The following AARS1 variants were observed in gnomAD, a reference collection of about 807,000 sequenced individuals.
AARS1 encodes alanyl-tRNA synthetase 1, also known as alanine--tRNA ligase, cytoplasmic.
In AARS1, 72 loss-of-function variants were observed where a neutral mutation model predicts 108.9. The ratio of observed to expected loss-of-function variants is 0.66; its 90% CI spans 0.55 to 0.80. The LOEUF is 0.80. Among genes scored for constraint, AARS1 ranks in the 30% least tolerant of loss-of-function variants. The probability of loss-of-function intolerance (pLI) is 0.00; values close to 1 mark genes in which losing one functional copy is unlikely to be tolerated. For missense variants in AARS1, 1,193 were observed against 1,233.2 expected (o/e 0.97, Z 0.49); for synonymous variants, 489 against 465.7 (o/e 1.05, Z -0.64).
In AARS1 at chr16:70,252,806, G is replaced by A. The variant is rs1162296420; in HGVS notation, c.2822C>T (p.Thr941Ile). The change falls in exon 21 of 21, where the codon ACA becomes ATA. Residue 941 changes from threonine (T) to isoleucine (I), a missense_variant. Physicochemically the swap from Thr to Ile is moderately conservative, Grantham distance 89. Transcript: ENST00000261772. The part of the protein sequence containing the change: ...GGGKDVSAQA[T>I]GKNVGCLQEA... ...CTGCAGGCAGCCAACGTTCTTGCCT[G>A]TGGCCTGTGCAGACACATCCTTGCC... 3 of 1,614,110 alleles carry A rather than the reference G, an allele frequency of 1.9e-6. No homozygotes were observed. The highest frequency in any genetic ancestry group is 2.7e-5 in the African/African-American group (2 of 74,940).
intron 4 of AARS1, among the ~76,000 whole-genome samples, chr16:70,272,692 C>T (rs1046055080): frequency 8.6e-5 from 13 of 151,676 alleles, no homozygotes; most frequent in Admixed American, 3.3e-4. Flanking sequence ...GCTGGCCACG[C>T]GCATTGCTTG....
intron 4 of AARS1, among the ~76,000 whole-genome samples, chr16:70,273,863 C>CCAA (rs1555541974): frequency 1.1e-4 from 6 of 54,262 alleles, no homozygotes; most frequent in African/African-American, 2.6e-4. Flanking sequence ...ACTCCGTCTC[C>CCAA]AAAAAAAAAA....
At chr16:70,255,580 G>A (rs912006498) in intron 16 of AARS1, 148 bp downstream of exon 16, 16 of 725,664 alleles carry the variant, frequency 2.2e-5, no homozygotes, top group Non-Finnish European at 3.7e-5. Flanking sequence ...CCACTCAGGG[G>A]TAGGACACTG....
intron 11 of AARS1, among the ~76,000 whole-genome samples, chr16:70,262,748 C>G (rs956787895): frequency 2.6e-5 from 4 of 151,654 alleles, no homozygotes; most frequent in African/African-American, 9.7e-5. Context: ...GCAGGCGGAT[C>G]ACGGGGTCAA....
At chr16:70,272,889 G>GACACACACACACACACACAC (rs71928705) in intron 4 of AARS1, among the ~76,000 whole-genome samples, 1,742 of 140,302 alleles carry the variant, frequency 0.012, 24 homozygotes, top group African/African-American at 0.026. Context: ...CAGCCTGGGT[G>GACACACACACACACACACAC]ACACACACAC....
intron 11 of AARS1, 76 bp downstream of exon 11, chr16:70,264,882 C>T: frequency 6.3e-7 from 1 of 1,591,532 alleles, no homozygotes; most frequent in Non-Finnish European, 8.6e-7. Flanking sequence ...GAGAGCTAAT[C>T]TTGAGAAACA....
chr16:70,272,816 G>A (rs1960441048), intron 4 of AARS1, among the ~76,000 whole-genome samples: 1 of 151,008 alleles, frequency 6.6e-6, no homozygotes. Context: ...AGCTACTCGG[G>A]AGAGGATCAC....
At chr16:70,268,417 T>C in intron 7 of AARS1, 38 bp from the exon 8 acceptor site, 1 of 1,587,348 alleles carries the variant, frequency 6.3e-7, no homozygotes, top group Non-Finnish European at 8.6e-7. Flanking sequence ...CGTTCCCAGC[T>C]GAGGGTTTTG....
intron 14 of AARS1, 83 bp downstream of exon 14, chr16:70,258,897 G>A: frequency 1.6e-6 from 1 of 607,672 alleles, no homozygotes; most frequent in Non-Finnish European, 2.6e-6. Flanking sequence ...TGATACAACA[G>A]AGTGAGAGCA....
At chr16:70,284,427 C>A (rs181363715) in intron 1 of AARS1, among the ~76,000 whole-genome samples, 1 of 151,296 alleles carries the variant, frequency 6.6e-6, no homozygotes, top group African/African-American at 2.4e-5. Flanking sequence ...ATGGTGAAAC[C>A]CCGTCTCTAC....
intron 9 of AARS1, among the ~76,000 whole-genome samples, chr16:70,266,805 A>T (rs546432851): frequency 3.3e-5 from 5 of 151,294 alleles, no homozygotes; most frequent in Non-Finnish European, 7.4e-5. Context: ...TAAAGGTGTG[A>T]GCCACTGTGC....
At position 70,269,732 on chromosome 16, in the gene AARS1, A is replaced by G. The variant is rs761545263; in HGVS notation, c.848T>C (p.Val283Ala). 4.3e-6 allele frequency: 7 copies of G among 1,614,000 alleles called. No homozygotes were observed. Among genetic ancestry groups the G allele is most frequent in the Non-Finnish European group, 5.1e-6 (6 of 1,180,024 alleles). The change falls in exon 7 of 21, where the codon GTT (valine) becomes GCT (alanine). Residue 283 changes from valine (V) to alanine (A), a missense_variant. Val to Ala is a moderately conservative substitution (Grantham distance 64). Coordinates refer to ENST00000261772, the MANE Select transcript of AARS1 (RefSeq NM_001605.3). ...AATCCCATCGGCATCCTCAGCACCA[A>G]CTTTCCCAGTGTATGGTCGGGCACC... ...GTGARPYTGK[V>A]GAEDADGIDM...
intron 4 of AARS1, 40 bp downstream of exon 4, chr16:70,276,446 T>A: frequency 1.9e-6 from 3 of 1,611,490 alleles, no homozygotes; most frequent in Non-Finnish European, 2.5e-6. Flanking sequence ...GAGTGTCATT[T>A]CACTCCTCCA....
chr16:70,277,938 A>G (rs1460148558), intron 2 of AARS1, among the ~76,000 whole-genome samples: 1 of 151,986 alleles, frequency 6.6e-6, no homozygotes, highest in Non-Finnish European at 1.5e-5. Context: ...TTTTTAGTAG[A>G]GACAGGGTTT....
chr16:70,265,276 G>T, intron 10 of AARS1, 174 bp from the exon 11 acceptor site: 1 of 991,226 alleles, frequency 1.0e-6, no homozygotes, highest in Non-Finnish European at 1.5e-6. Context: ...TTCTCTTGCA[G>T]TGTGGGATGC....
At position 70,265,017 on chromosome 16, in the gene AARS1, A is replaced by G; in HGVS notation, c.1433T>C (p.Leu478Pro). 1 of 1,613,200 alleles carries G rather than the reference A, an allele frequency of 6.2e-7. No individual in the cohort carries two copies. The highest frequency in any genetic ancestry group is 8.5e-7 in the Non-Finnish European group (1 of 1,179,100). The change falls in exon 11 of 21, where the codon CTG becomes CCG. Residue 478 changes from leucine (L) to proline (P), a missense_variant. Coordinates refer to ENST00000261772, the MANE Select transcript of AARS1 (RefSeq NM_001605.3). Reference protein sequence around the residue: ...YAIEELRARGLEVTDDSPKYN... With the variant: ...YAIEELRARGPEVTDDSPKYN... ...CTTTGGGGAATCATCTGTGACCTCC[A>G]GACCCCGTGCCCGGAGCTCTTCGAT...
intron 3 of AARS1, 123 bp downstream of exon 3, chr16:70,276,843 T>C (rs1203492440): frequency 8.0e-7 from 1 of 1,254,970 alleles, no homozygotes; most frequent in African/African-American, 1.5e-5. Context: ...ATAAATGCCA[T>C]TCATTCCTGA....
In AARS1 at chr16:70,279,974, C is replaced by A. The variant is rs201360609; in HGVS notation, c.144+2646G>T. Among the ~76,000 whole-genome samples, 15 of 152,242 alleles carry A rather than the reference C, an allele frequency of 9.9e-5. No homozygotes were observed. In the East Asian group the frequency reaches 2.9e-3, roughly 29 times the overall value. On this transcript the variant is annotated intron_variant, in intron 2 of 20. Transcript: ENST00000261772. The stretch of plus-strand genomic sequence containing the variant: ...GGCACGATCACGGCTCACCTCAACT[C>A]CTGGGCTCAAGCAATACTCCCACCT...
chr16:70,272,963 T>C (rs1015079936), intron 4 of AARS1, among the ~76,000 whole-genome samples: 1 of 151,466 alleles, frequency 6.6e-6, no homozygotes, highest in Non-Finnish European at 1.5e-5. Context: ...GCTACACTTT[T>C]AAAGTGTAGA....
Sources: allele counts gnomAD v4.1 joint callset (sites outside exome capture counted in the v4.1 genomes callset), GRCh38; gene constraint gnomAD v4.1.1; transcripts MANE v1.5; gene names NCBI Gene and HGNC (gene_info 2026-07-23, HGNC 2026-07-21).